TNS3: variants seen among roughly 807,000 people sequenced by gnomAD.
TNS3 encodes tensin 3, also known as tensin-3.
TNS3 carries 45 observed loss-of-function variants against 140.9 expected under a neutral mutation model. The ratio of observed to expected loss-of-function variants is 0.32; its 90% CI spans 0.25 to 0.41. The LOEUF is 0.41. TNS3 is among the 10% of genes least tolerant of loss of function. The pLI, the probability that TNS3 is intolerant of heterozygous loss-of-function variation, is 1.00. For synonymous variants in TNS3, 815 were observed against 788.4 expected, an observed-to-expected ratio of 1.03 and a Z score of -0.56; for missense variants, 1,716 against 1,906.7, an observed-to-expected ratio of 0.90 and a Z score of 1.86.
Position 47,369,502 on chromosome 7 carries a change from G to A in TNS3, c.1144C>T (p.His382Tyr). The A allele has an allele frequency of 6.2e-7, 1 of 1,614,142 alleles. No individual in the cohort carries two copies. Among genetic ancestry groups the A allele is most frequent in the Non-Finnish European group, 8.5e-7 (1 of 1,180,018 alleles). ...CTGACAGACAAGGTGTGGTCACTGTGGTCTGGGCTGTTGGTGGCCGGGATT... is the reference window on the plus strand; with the variant it reads ...CTGACAGACAAGGTGTGGTCACTGTAGTCTGGGCTGTTGGTGGCCGGGATT... ...QAIPATNSPD[H>Y]SDHTLSVSSD... Residue 382 changes from histidine (H) to tyrosine (Y), a missense_variant, in exon 17 of 31, where the codon CAC becomes TAC. Physicochemically the swap from His to Tyr is moderately conservative, Grantham distance 83 (BLOSUM62 2). Transcript: ENST00000311160.
At chr7:47,444,708 A>C (rs1795640130) in intron 4 of TNS3, among the ~76,000 whole-genome samples, 1 of 146,570 alleles carries the variant, frequency 6.8e-6, no homozygotes, top group South Asian at 2.2e-4. Flanking sequence ...ATAGTCTCTG[A>C]ATCCAATTCA....
chr7:47,422,827 G>A (rs377703368), intron 10 of TNS3, among the ~76,000 whole-genome samples: 24 of 151,256 alleles, frequency 1.6e-4, no homozygotes, highest in African/African-American at 4.6e-4. Flanking sequence ...TGAATGTCAC[G>A]ATTTTGGAAA....
At chr7:47,398,079 T>C (rs1792936631) in intron 15 of TNS3, among the ~76,000 whole-genome samples, 1 of 152,198 alleles carries the variant, frequency 6.6e-6, no homozygotes, top group Non-Finnish European at 1.5e-5. Flanking sequence ...GGTCAATTCC[T>C]GGACACAGAC....
chr7:47,477,932 C>A (rs574761916), intron 4 of TNS3, among the ~76,000 whole-genome samples: 234 of 152,250 alleles, frequency 1.5e-3, no homozygotes, highest in African/African-American at 5.5e-3. Flanking sequence ...TGGGCTGCCA[C>A]GTCCATCCTT....
intron 17 of TNS3, among the ~76,000 whole-genome samples, chr7:47,352,344 AC>A (rs1346188544): frequency 6.6e-6 from 1 of 152,100 alleles, no homozygotes; most frequent in Non-Finnish European, 1.5e-5. Flanking sequence ...ACAGCCTCAC[AC>A]AGTCTCACAC....
chr7:47,369,206 G>C lies in TNS3; in HGVS notation c.1440C>G (p.Asp480Glu). 1 of 1,614,038 alleles carries C rather than the reference G, an allele frequency of 6.2e-7. No homozygotes were observed. Among genetic ancestry groups the C allele is most frequent in the South Asian group, 1.1e-5 (1 of 91,086 alleles). ...LKDRETDILD[D>E]EMPHHDLHSV... ...TGTGCAGGTCGTGGTGGGGCATCTC[G>C]TCATCCAGAATGTCTGTCTCCCGAT... Residue 480 changes from aspartate (D) to glutamate (E), a missense_variant, in exon 17 of 31, where the codon GAC becomes GAG. Around this residue, in one of 3 missense-constraint regions of TNS3, gnomAD observed 1,163 missense variants for 1,182.1 expected, o/e 0.98. Transcript: ENST00000311160.
intron 27 of TNS3, among the ~76,000 whole-genome samples, chr7:47,291,172 G>A (rs1321412713): frequency 6.6e-6 from 1 of 152,178 alleles, no homozygotes; most frequent in East Asian, 1.9e-4. Flanking sequence ...GCTTGGGGTT[G>A]GTGGGGGAGG....
chr7:47,352,249 T>A (rs1789723834), intron 17 of TNS3, among the ~76,000 whole-genome samples: 1 of 152,144 alleles, frequency 6.6e-6, no homozygotes, highest in Non-Finnish European at 1.5e-5. Context: ...TCACTGGCAC[T>A]CACACACGTG....
intron 1 of TNS3, among the ~76,000 whole-genome samples, chr7:47,547,096 A>G (rs1799941205): frequency 6.6e-6 from 1 of 152,154 alleles, no homozygotes; most frequent in African/African-American, 2.4e-5. Flanking sequence ...TCCCGAGTTT[A>G]TAGCCTAGGA....
intron 26 of TNS3, among the ~76,000 whole-genome samples, chr7:47,292,507 TA>T (rs1194068977): frequency 6.6e-6 from 1 of 152,210 alleles, no homozygotes; most frequent in East Asian, 1.9e-4. Flanking sequence ...CGTAGAAACG[TA>T]AAAATTAAAT....
intron 23 of TNS3, among the ~76,000 whole-genome samples, chr7:47,299,784 G>A (rs989148857): frequency 1.3e-5 from 2 of 152,224 alleles, no homozygotes; most frequent in African/African-American, 4.8e-5. Context: ...CTGGTGTGCT[G>A]AAGTTGGAAA....
At chr7:47,428,649 T>C (rs1403452318) in intron 8 of TNS3, among the ~76,000 whole-genome samples, 1 of 152,198 alleles carries the variant, frequency 6.6e-6, no homozygotes, top group Non-Finnish European at 1.5e-5. Context: ...ACACAGCAGC[T>C]GCCTGTCATT....
At chr7:47,448,876 A>G (rs1795882011) in intron 4 of TNS3, among the ~76,000 whole-genome samples, 1 of 152,192 alleles carries the variant, frequency 6.6e-6, no homozygotes, top group African/African-American at 2.4e-5. Flanking sequence ...CTGAAATCAG[A>G]CAGACCTGGG....
rs144959240 is a variant in TNS3, at chr7:47,446,894, C to T, written c.-75-4839G>A. On this transcript the variant is annotated intron_variant, in intron 4 of 30. Transcript: ENST00000311160. ...TTTTTTTGTAGAGATGGGGGTCTCG[C>T]CATGTTGTCCAGGCTGCTCTGACGC... Among the ~76,000 whole-genome samples the T allele has an allele frequency of 2.8e-3, 421 of 151,684 alleles. 1 individual carries two copies. The highest frequency in any genetic ancestry group is 9.6e-3 in the African/African-American group (399 of 41,370).
At chr7:47,423,276 G>GAAAT (rs1425879450) in intron 10 of TNS3, among the ~76,000 whole-genome samples, 1 of 152,246 alleles carries the variant, frequency 6.6e-6, no homozygotes, top group Non-Finnish European at 1.5e-5. Flanking sequence ...TGTGGGCTTT[G>GAAAT]AAATATGCCA....
intron 1 of TNS3, among the ~76,000 whole-genome samples, chr7:47,537,188 G>A (rs1395722468): frequency 2.0e-5 from 3 of 152,038 alleles, no homozygotes; most frequent in Non-Finnish European, 4.4e-5. Flanking sequence ...CTATCTGGGG[G>A]GAGGATGCCT....
chr7:47,305,690 C>G (rs560188259), intron 20 of TNS3, among the ~76,000 whole-genome samples: 66 of 152,354 alleles, frequency 4.3e-4, no homozygotes, highest in Admixed American at 2.7e-3. Flanking sequence ...ATGCCTGAGC[C>G]CAGGCACATT....
At chr7:47,322,321 A>G (rs1347593837) in intron 20 of TNS3, among the ~76,000 whole-genome samples, 1 of 152,044 alleles carries the variant, frequency 6.6e-6, no homozygotes, top group East Asian at 1.9e-4. Context: ...CAGGAATTCA[A>G]GACCAGCCTG....
intron 8 of TNS3, among the ~76,000 whole-genome samples, chr7:47,431,162 G>A (rs1312180923): frequency 6.6e-6 from 1 of 152,210 alleles, no homozygotes; most frequent in African/African-American, 2.4e-5. Context: ...TCAGAAGAGA[G>A]ATTTAGAAAT....
Sources: gnomAD v4.1 joint callset for allele counts (sites outside exome capture counted in the v4.1 genomes callset) on GRCh38, gnomAD v4.1.1 for gene constraint, gnomAD v4.1.1 regional missense constraint, MANE v1.5 for transcripts, NCBI Gene and HGNC (gene_info 2026-07-23, HGNC 2026-07-21) for gene names.